LYRM4: variants seen among roughly 807,000 people sequenced by gnomAD.
LYRM4 encodes the protein LYR motif containing 4, also known as LYR motif-containing protein 4.
In LYRM4, 9 loss-of-function variants were observed where a neutral mutation model predicts 11.7. The ratio of observed to expected loss-of-function variants is 0.77; its 90% CI spans 0.46 to 1.34. The LOEUF is 1.34. Ranked by LOEUF, LYRM4 falls within the 40% of genes most tolerant of loss-of-function variation. The probability of loss-of-function intolerance (pLI) is 0.00; values close to 1 mark genes in which losing one functional copy is unlikely to be tolerated. For synonymous variants in LYRM4, 42 were observed against 40.4 expected, an observed-to-expected ratio of 1.04 and a Z score of -0.15; for missense variants, 133 against 112.5, an observed-to-expected ratio of 1.18 and a Z score of -0.82.
intron 1 of LYRM4, among the ~76,000 whole-genome samples, chr6:5,254,836 G>T (rs774766170): frequency 3.3e-5 from 5 of 152,210 alleles, no homozygotes; most frequent in Non-Finnish European, 7.4e-5. Flanking sequence ...CACCTCTCGT[G>T]GGGTCCTGCT....
chr6:5,112,215 G>A (rs75569561), intron 2 of LYRM4, among the ~76,000 whole-genome samples: 17,705 of 152,152 alleles, frequency 0.12, 1,192 homozygotes, highest in African/African-American at 0.18. Context: ...GTCTGTGTGT[G>A]GTCCCTATGA....
At chr6:5,186,523 T>A (rs1283359258) in intron 2 of LYRM4, 1 of 947,946 alleles carries the variant, frequency 1.1e-6, no homozygotes, top group Non-Finnish European at 1.3e-6. Flanking sequence ...TGAACTCCCA[T>A]CTCCTTTCTT....
Position 5,228,381 on chromosome 6 carries a change from A to C in LYRM4, c.87-11643T>G, listed in dbSNP as rs574975766. 3.7e-4 allele frequency among the ~76,000 whole-genome samples: 57 copies of C among 152,038 alleles called. 1 individual carries two copies. The highest frequency in any genetic ancestry group is 3.4e-3 in the Middle Eastern group (1 of 294). On this transcript the variant is annotated intron_variant, in intron 1 of 2. Transcript: ENST00000330636. ...AACCTTCACCTCCCTGGTTCAAGTG[A>C]TTCTCATGCCTCAGCCTCTGGAGTA...
chr6:5,121,272 G>A (rs1057200171), intron 2 of LYRM4, among the ~76,000 whole-genome samples: 37 of 152,264 alleles, frequency 2.4e-4, no homozygotes, highest in Admixed American at 1.8e-3. Context: ...GGATGCTATC[G>A]CCTGCTACAC....
At chr6:5,100,647 G>A (rs1459875329), downstream of LYRM4, among the ~76,000 whole-genome samples, 1 of 152,162 alleles carries the variant, frequency 6.6e-6, no homozygotes, top group African/African-American at 2.4e-5. Context: ...GGGATCAAAA[G>A]GGGTTCCTGT....
At chr6:5,192,451 T>C (rs1016206121) in intron 2 of LYRM4, among the ~76,000 whole-genome samples, 1 of 152,282 alleles carries the variant, frequency 6.6e-6, no homozygotes, top group African/African-American at 2.4e-5. Context: ...CAAAGAGACA[T>C]GTAGTAAGGC....
chr6:5,057,395 C>G, the LYRM4 span, among the ~76,000 whole-genome samples: 11,294 of 152,178 alleles, frequency 0.074, 614 homozygotes, highest in African/African-American at 0.14. Context: ...CGGAAGACAC[C>G]AAGGGACTCT....
chr6:5,154,017 A>G (rs1452881603), intron 2 of LYRM4, among the ~76,000 whole-genome samples: 1 of 152,196 alleles, frequency 6.6e-6, no homozygotes, highest in Non-Finnish European at 1.5e-5. Context: ...TACCTGCTAA[A>G]TGTTATCATA....
intron 2 of LYRM4, among the ~76,000 whole-genome samples, chr6:5,147,094 G>C (rs192709461): frequency 2.6e-5 from 4 of 152,180 alleles, no homozygotes; most frequent in African/African-American, 7.2e-5. Context: ...CAGGCCATTG[G>C]TATTACTTGA....
chr6:5,138,487 C>CAAAA (rs765741377), intron 2 of LYRM4, among the ~76,000 whole-genome samples: 513 of 49,696 alleles, frequency 0.01, 26 homozygotes, highest in Non-Finnish European at 0.013. Context: ...ACCCTGTCTC[C>CAAAA]AAAAAAAAAA....
intron 1 of LYRM4, among the ~76,000 whole-genome samples, chr6:5,219,980 C>T (rs940428565): frequency 5.3e-5 from 8 of 152,180 alleles, no homozygotes; most frequent in South Asian, 2.1e-4. Context: ...TGATGATGCT[C>T]GCACACACAC....
intron 1 of LYRM4, among the ~76,000 whole-genome samples, chr6:5,257,579 A>G (rs1291024928): frequency 2.0e-5 from 3 of 152,190 alleles, no homozygotes; most frequent in Non-Finnish European, 4.4e-5. Flanking sequence ...CGGGCCACAC[A>G]GCAGTTGAGC....
At chr6:5,251,182 A>G (rs1313762708) in intron 1 of LYRM4, among the ~76,000 whole-genome samples, 1 of 152,232 alleles carries the variant, frequency 6.6e-6, no homozygotes. Flanking sequence ...ATACATACAC[A>G]CACACACACT....
chr6:5,228,409 T>A (rs1763024078), intron 1 of LYRM4, among the ~76,000 whole-genome samples: 2 of 152,038 alleles, frequency 1.3e-5, no homozygotes, highest in South Asian at 4.1e-4. Context: ...CTGGAGTAGC[T>A]GGGACTACAG....
intron 2 of LYRM4, among the ~76,000 whole-genome samples, chr6:5,164,586 C>T (rs1020102703): frequency 6.6e-6 from 1 of 152,094 alleles, no homozygotes; most frequent in Non-Finnish European, 1.5e-5. Context: ...AGTATAGTGA[C>T]TGCAAAAAAA....
chr6:5,085,708 G>C, the LYRM4 span: 1 of 1,546,986 alleles, frequency 6.5e-7, no homozygotes, highest in Non-Finnish European at 8.7e-7. Flanking sequence ...GGAGCTGCTG[G>C]AATGCCGCCG....
chr6:5,038,332 G>A, the LYRM4 span, among the ~76,000 whole-genome samples: 4 of 60,234 alleles, frequency 6.6e-5, no homozygotes, highest in African/African-American at 1.8e-4. Flanking sequence ...TGGGATGGCG[G>A]CGGGGAAGAG....
intron 1 of LYRM4, among the ~76,000 whole-genome samples, chr6:5,236,889 C>T (rs767081909): frequency 3.3e-5 from 5 of 151,914 alleles, no homozygotes; most frequent in Middle Eastern, 3.4e-3. Context: ...CCCAGGAGGT[C>T]GAGGTTGCAG....
chr6:5,218,577 A>G (rs1473108367), intron 1 of LYRM4, among the ~76,000 whole-genome samples: 1 of 152,208 alleles, frequency 6.6e-6, no homozygotes, highest in Admixed American at 6.5e-5. Flanking sequence ...CGGTACTTAG[A>G]ATGTAAGACA....
Sources: gnomAD v4.1 joint callset for allele counts (sites outside exome capture counted in the v4.1 genomes callset) on GRCh38, gnomAD v4.1.1 for gene constraint, MANE v1.5 for transcripts, NCBI Gene and HGNC (gene_info 2026-07-23, HGNC 2026-07-21) for gene names.